TRIP11: variants seen among roughly 807,000 people sequenced by gnomAD.
TRIP11 encodes the protein thyroid hormone receptor interactor 11.
A neutral mutation model predicts 223.1 loss-of-function variants in TRIP11; 148 were observed. The observed-to-expected ratio is 0.66, with a 90% CI of 0.58 to 0.76. The LOEUF (loss-of-function observed/expected upper bound fraction) is 0.76. TRIP11 is among the 30% of genes least tolerant of loss of function. The pLI is 0.00. For missense variants in TRIP11, 2,043 were observed against 2,222.0 expected (o/e 0.92, Z 1.62); for synonymous variants, 762 against 772.6 (o/e 0.99, Z 0.23).
At chr14:92,013,502 C>G (rs777007558) in intron 7 of TRIP11, among the ~76,000 whole-genome samples, 3 of 152,174 alleles carry the variant, frequency 2.0e-5, no homozygotes, top group East Asian at 1.9e-4. Context: ...TTAACCACTA[C>G]GCTATTCTGC....
intron 4 of TRIP11, 86 bp from the exon 5 acceptor site, chr14:92,017,836 C>T: frequency 5.8e-6 from 7 of 1,202,392 alleles, no homozygotes; most frequent in Non-Finnish European, 8.4e-6. Context: ...TACAAGAATA[C>T]TTTTGTAAAA....
intron 16 of TRIP11, among the ~76,000 whole-genome samples, chr14:91,981,448 GGCACA>G (rs1308242215): frequency 2.6e-4 from 40 of 152,106 alleles, no homozygotes; most frequent in African/African-American, 8.9e-4. Flanking sequence ...GTAGTGCAGT[GGCACA>G]CCCTCTGCTC....
intron 16 of TRIP11, among the ~76,000 whole-genome samples, chr14:91,987,012 C>T (rs751899796): frequency 1.6e-4 from 25 of 152,116 alleles, no homozygotes; most frequent in Non-Finnish European, 2.8e-4. Context: ...TTAAAAAGAT[C>T]GGAGTTCAAA....
At position 92,005,474 on chromosome 14, in the gene TRIP11, A is replaced by G. The variant is rs779229481; in HGVS notation, c.2502T>C (p.Tyr834=). The change falls in exon 11 of 21, where the codon TAT becomes TAC. Residue 834 remains tyrosine, a synonymous_variant. Coordinates refer to ENST00000267622, the MANE Select transcript of TRIP11 (RefSeq NM_004239.4). ...SSKLQEELDK[Y]SQALRKNEIL... is the part of the protein sequence containing the mutation. ...TTTCATTTTTTCTTAAGGCCTGAGA[A>G]TATTTATCCAATTCCTCCTGCAGCT... 6.2e-7 allele frequency: 1 copy of G among 1,614,078 alleles called. No individual in the cohort carries two copies. The highest frequency in any genetic ancestry group is 8.5e-7 in the Non-Finnish European group (1 of 1,180,022).
chr14:92,006,599 T>C (rs916507867), intron 10 of TRIP11, 151 bp from the exon 11 acceptor site: 3 of 857,728 alleles, frequency 3.5e-6, no homozygotes, highest in African/African-American at 3.4e-5. Context: ...AAACACCCAC[T>C]ACAAAATTAC....
intron 2 of TRIP11, chr14:92,026,757 A>G: frequency 8.9e-7 from 1 of 1,119,116 alleles, no homozygotes; most frequent in Admixed American, 1.8e-5. Context: ...AGGAAGAAGA[A>G]GGTGAGGGTG....
intron 19 of TRIP11, among the ~76,000 whole-genome samples, chr14:91,973,832 C>A (rs773151192): frequency 5.9e-5 from 9 of 152,112 alleles, no homozygotes; most frequent in Non-Finnish European, 1.3e-4. Flanking sequence ...CAAGACCAGC[C>A]TGGCCAACAT....
At chr14:92,021,346 G>A (rs1047813325) in intron 4 of TRIP11, among the ~76,000 whole-genome samples, 3 of 147,496 alleles carry the variant, frequency 2.0e-5, no homozygotes, top group Admixed American at 6.9e-5. Flanking sequence ...CCAAGATCAC[G>A]CTACTACACT....
At chr14:91,992,047 C>G (rs1199183672) in intron 15 of TRIP11, among the ~76,000 whole-genome samples, 3 of 127,276 alleles carry the variant, frequency 2.4e-5, no homozygotes, top group Non-Finnish European at 4.7e-5. Context: ...CGCCCTTGCA[C>G]TCCAGCCTGA....
In TRIP11 at chr14:92,003,827, T is replaced by C. The variant is rs369890403; in HGVS notation, c.4149A>G (p.Leu1383=). The C allele has an allele frequency of 2.5e-5, 40 of 1,614,056 alleles. No individual in the cohort carries two copies. The African/African-American group carries it at 4.7e-4, about 19-fold the overall frequency. ...LSDSIAATSE[L]ERKEHEQTDS... ...CGGTTTGTTCGTGTTCTTTTCTTTC[T>C]AGCTCTGAGGTGGCAGCAATCGAAT... is the stretch of plus-strand genomic sequence containing the variant. Residue 1383 remains leucine (L), a synonymous_variant, in exon 11 of 21, where the codon CTA becomes CTG. Transcript: ENST00000267622.
At chr14:92,030,848 T>G (rs985361020) in intron 2 of TRIP11, 1 of 152,154 alleles carries the variant, frequency 6.6e-6, no homozygotes, top group Non-Finnish European at 1.5e-5. Context: ...CATTTATAAA[T>G]CTAAGAATAA....
intron 16 of TRIP11, among the ~76,000 whole-genome samples, chr14:91,982,900 CT>C (rs562092590): frequency 3.3e-4 from 50 of 152,194 alleles, no homozygotes; most frequent in Non-Finnish European, 6.3e-4. Context: ...CTACCTCCAC[CT>C]TTTCAGCACT....
chr14:91,990,862 T>G (rs1439451640), intron 15 of TRIP11, among the ~76,000 whole-genome samples: 2 of 152,216 alleles, frequency 1.3e-5, no homozygotes, highest in Non-Finnish European at 2.9e-5. Flanking sequence ...TTCCACAGAC[T>G]GTATACTCTG....
intron 9 of TRIP11, among the ~76,000 whole-genome samples, chr14:92,009,627 T>C (rs2056947154): frequency 6.6e-6 from 1 of 152,168 alleles, no homozygotes; most frequent in African/African-American, 2.4e-5. Context: ...TGCTGGCACA[T>C]AGTGGGTAGA....
intron 6 of TRIP11, 27 bp downstream of exon 6, chr14:92,015,663 AAATAAT>A (rs540931279): frequency 2.0e-6 from 3 of 1,538,302 alleles, no homozygotes; most frequent in African/African-American, 2.8e-5. Flanking sequence ...ATCTCAAAAA[AAATAAT>A]AATAATAAAG....
At chr14:92,022,058 A>G (rs2057122584) in intron 3 of TRIP11, among the ~76,000 whole-genome samples, 1 of 152,246 alleles carries the variant, frequency 6.6e-6, no homozygotes, top group South Asian at 2.1e-4. Flanking sequence ...TAGAAATATC[A>G]GAATTTTGTA....
At chr14:91,975,315 A>G in intron 17 of TRIP11, 29 bp from the exon 18 acceptor site, 1 of 1,509,504 alleles carries the variant, frequency 6.6e-7, no homozygotes. Flanking sequence ...AAACAGCTCA[A>G]GTGAACTCAA....
chr14:91,983,915 C>A (rs187042968), intron 16 of TRIP11, among the ~76,000 whole-genome samples: 2 of 152,122 alleles, frequency 1.3e-5, no homozygotes, highest in African/African-American at 4.8e-5. Flanking sequence ...GGTAGTTCCA[C>A]GAAAAATATT....
At chr14:91,971,863 A>G (rs2056404364) in intron 20 of TRIP11, among the ~76,000 whole-genome samples, 1 of 152,186 alleles carries the variant, frequency 6.6e-6, no homozygotes, top group Non-Finnish European at 1.5e-5. Flanking sequence ...AAACGACAGA[A>G]GTTTCAAAAA....
Sources: gnomAD v4.1 joint callset for allele counts (sites outside exome capture counted in the v4.1 genomes callset) on GRCh38, gnomAD v4.1.1 for gene constraint, MANE v1.5 for transcripts, NCBI Gene and HGNC (gene_info 2026-07-23, HGNC 2026-07-21) for gene names.